RNF157: variants seen among roughly 807,000 people sequenced by gnomAD.
The protein encoded by RNF157 is E3 ubiquitin ligase RNF157.
In RNF157, 55 loss-of-function variants were observed where a neutral mutation model predicts 88.3. That is an observed-to-expected ratio of 0.62 (90% CI 0.50 to 0.78). The LOEUF (loss-of-function observed/expected upper bound fraction) is 0.78. Ranked by LOEUF, RNF157 falls within the 30% of genes least tolerant of loss-of-function variation. The pLI is 0.00. For missense variants in RNF157, 788 were observed against 860.8 expected (o/e 0.92, Z 1.06); for synonymous variants, 334 against 341.2 (o/e 0.98, Z 0.23).
Position 76,240,055 on chromosome 17 carries a change from T to G in RNF157, c.88+98A>C, listed in dbSNP as rs555395889. Reference sequence around the variant, plus strand: ...TTTCGGAGCGTCCGCAACCACTGAGTCCCCGAAGACCCGCGGGGCCCCCTC... The same window carrying G: ...TTTCGGAGCGTCCGCAACCACTGAGGCCCCGAAGACCCGCGGGGCCCCCTC... On this transcript the variant is annotated intron_variant, in intron 1 of 18. Coordinates refer to ENST00000269391, the MANE Select transcript of RNF157 (RefSeq NM_052916.3). This position sits in a 1 kb window ranked among gnomAD's most constrained non-coding sequence, Gnocchi z 4.4. 2 of 557,516 alleles carry G rather than the reference T, an allele frequency of 3.6e-6. No homozygotes were observed. Among genetic ancestry groups the G allele is most frequent in the Admixed American group, 5.1e-5 (1 of 19,548 alleles). The allele number at this position is 557,516 out of a possible 1,614,324, so 34.5% of individuals were successfully genotyped here. A position where few individuals can be genotyped will look rare whatever the true frequency, so the allele number is the denominator to read the frequency against.
At chr17:76,177,620 G>T (rs1339166621) in intron 2 of RNF157, among the ~76,000 whole-genome samples, 1 of 152,026 alleles carries the variant, frequency 6.6e-6, no homozygotes, top group Non-Finnish European at 1.5e-5. Flanking sequence ...CCCGCCCACT[G>T]GAGTGGGAAC....
rs185904423 is a variant in RNF157 at position 76,239,775 on chromosome 17, G to A, written c.88+378C>T. ...ACCCCGCGAGGCAGGTAGGCTTTGGGCCGGGCCGGCCGGGTCCGTGCGGGG... is the reference window on the plus strand; with the variant it reads ...ACCCCGCGAGGCAGGTAGGCTTTGGACCGGGCCGGCCGGGTCCGTGCGGGG... On this transcript the variant is annotated intron_variant, in intron 1 of 18. Coordinates refer to ENST00000269391, the MANE Select transcript of RNF157 (RefSeq NM_052916.3). Among the ~76,000 whole-genome samples, 9 of 152,256 alleles carry A rather than the reference G, an allele frequency of 5.9e-5. No homozygotes were observed. The East Asian group carries it at 1.7e-3, about 30-fold the overall frequency.
intron 3 of RNF157, among the ~76,000 whole-genome samples, chr17:76,171,271 C>T (rs1316715986): frequency 1.3e-5 from 2 of 152,182 alleles, no homozygotes; most frequent in African/African-American, 4.8e-5. Context: ...TCACTGCAAC[C>T]TCTGTCTCCT....
At chr17:76,158,333 C>A (rs2068796079) in intron 13 of RNF157, 60 bp downstream of exon 13, 2 of 1,104,830 alleles carry the variant, frequency 1.8e-6, no homozygotes, top group African/African-American at 3.1e-5. Flanking sequence ...ATGAGGCATG[C>A]AGGTAGGAGG....
At chr17:76,206,896 A>C (rs1280130831) in intron 2 of RNF157, among the ~76,000 whole-genome samples, 1 of 152,194 alleles carries the variant, frequency 6.6e-6, no homozygotes, top group African/African-American at 2.4e-5. Flanking sequence ...TTGTCCAGCA[A>C]TTACAAGGAA....
chr17:76,200,470 A>T (rs1423144254), intron 2 of RNF157, among the ~76,000 whole-genome samples: 1 of 152,202 alleles, frequency 6.6e-6, no homozygotes, highest in Non-Finnish European at 1.5e-5. Context: ...GTCACAAAAG[A>T]ACAAATATTC....
At chr17:76,203,705 G>C (rs906957178) in intron 2 of RNF157, among the ~76,000 whole-genome samples, 2 of 150,880 alleles carry the variant, frequency 1.3e-5, no homozygotes, top group African/African-American at 4.9e-5. Flanking sequence ...CCCCGCCTCA[G>C]CCTCCCAAAG....
At chr17:76,218,350 AAGCT>A (rs1214916570) in intron 1 of RNF157, among the ~76,000 whole-genome samples, 2 of 152,222 alleles carry the variant, frequency 1.3e-5, no homozygotes, top group Non-Finnish European at 2.9e-5. Context: ...ACTAAGGAAT[AAGCT>A]TCCAGGCCAA....
At chr17:76,236,431 C>T (rs953376235) in intron 1 of RNF157, among the ~76,000 whole-genome samples, 1 of 152,312 alleles carries the variant, frequency 6.6e-6, no homozygotes, top group East Asian at 1.9e-4. Context: ...CCATACCTTT[C>T]TTTGCTAAAC....
intron 1 of RNF157, among the ~76,000 whole-genome samples, chr17:76,235,599 A>C (rs926182298): frequency 6.6e-6 from 1 of 152,262 alleles, no homozygotes; most frequent in Non-Finnish European, 1.5e-5. Context: ...GTTATTCGAC[A>C]AAGACTTATT....
chr17:76,228,083 T>G (rs1023012399), intron 1 of RNF157, among the ~76,000 whole-genome samples: 5 of 152,076 alleles, frequency 3.3e-5, no homozygotes, highest in Admixed American at 6.6e-5. Context: ...CTTTGTGGGG[T>G]TTTTTTCTAA....
At chr17:76,181,818 G>T (rs1331988778) in intron 2 of RNF157, among the ~76,000 whole-genome samples, 1 of 144,862 alleles carries the variant, frequency 6.9e-6, no homozygotes, top group Non-Finnish European at 1.5e-5. Flanking sequence ...TGAGGCAGGA[G>T]AATCACTTGA....
chr17:76,224,443 T>A (rs950059098), intron 1 of RNF157, among the ~76,000 whole-genome samples: 1 of 152,100 alleles, frequency 6.6e-6, no homozygotes, highest in Non-Finnish European at 1.5e-5. Flanking sequence ...CCTAGTAAAT[T>A]TTCATATATT....
intron 2 of RNF157, among the ~76,000 whole-genome samples, chr17:76,187,198 TC>T (rs2069306631): frequency 6.6e-6 from 1 of 151,908 alleles, no homozygotes; most frequent in Non-Finnish European, 1.5e-5. Context: ...CTTTTTTTTT[TC>T]TTAAGATGGA....
chr17:76,234,476 A>G (rs1203443272), intron 1 of RNF157, among the ~76,000 whole-genome samples: 1 of 152,144 alleles, frequency 6.6e-6, no homozygotes, highest in Non-Finnish European at 1.5e-5. Flanking sequence ...CCCATTTTAC[A>G]TTCACACCGG....
intron 1 of RNF157, among the ~76,000 whole-genome samples, chr17:76,235,199 CT>C (rs537829366): frequency 0.01 from 1,420 of 141,234 alleles, 12 homozygotes; most frequent in Middle Eastern, 0.029. Flanking sequence ...TAGTAGGTTA[CT>C]TTTTTTTTTT....
In RNF157 at chr17:76,195,847, G is replaced by T. The variant is rs976677531; in HGVS notation, c.207+16517C>A. Among the ~76,000 whole-genome samples the T allele has an allele frequency of 6.6e-6, 1 of 152,166 alleles. No individual in the cohort carries two copies. Among genetic ancestry groups the T allele is most frequent in the African/African-American group, 2.4e-5 (1 of 41,422 alleles). On this transcript the variant is annotated intron_variant, in intron 2 of 18. Transcript: ENST00000269391. The surrounding 1 kb of genome is among the most constrained non-coding windows in gnomAD (Gnocchi z 4.4). ...GAGCACAAGCTAAAACAGGGACTGGGCAGAAGCAGCTTTCCATAAGATAGC... is the reference window on the plus strand; with the variant it reads ...GAGCACAAGCTAAAACAGGGACTGGTCAGAAGCAGCTTTCCATAAGATAGC...
At chr17:76,214,366 A>G (rs955840800) in intron 1 of RNF157, among the ~76,000 whole-genome samples, 7 of 152,054 alleles carry the variant, frequency 4.6e-5, no homozygotes, top group African/African-American at 1.7e-4. Context: ...TTTTTTTCCT[A>G]TATCCGCAGA....
At chr17:76,210,706 G>C (rs926517959) in intron 2 of RNF157, among the ~76,000 whole-genome samples, 5 of 151,528 alleles carry the variant, frequency 3.3e-5, no homozygotes, top group African/African-American at 4.9e-5. Context: ...TCCTAAAAAA[G>C]CAATTTCTCC....
Sources: allele counts gnomAD v4.1 joint callset (sites outside exome capture counted in the v4.1 genomes callset), GRCh38; gene constraint gnomAD v4.1.1; non-coding constraint Gnocchi (gnomAD v3.1); transcripts MANE v1.5; gene names NCBI Gene and HGNC (gene_info 2026-07-23, HGNC 2026-07-21).